The following ZNF214 variants were observed in gnomAD, a reference collection of about 807,000 sequenced individuals.
ZNF214 encodes the protein BWSCR2-associated zinc finger protein 1.
A neutral mutation model predicts 53.9 loss-of-function variants in ZNF214; 43 were observed. That is an observed-to-expected ratio of 0.80 (90% CI 0.63 to 1.03). The LOEUF is 1.03. Ranked by LOEUF, ZNF214 falls within the 50% of genes least tolerant of loss-of-function variation. The probability of loss-of-function intolerance (pLI) is 0.00; values close to 1 mark genes in which losing one functional copy is unlikely to be tolerated. For missense variants in ZNF214, 724 were observed against 719.1 expected (o/e 1.01, Z -0.08); for synonymous variants, 217 against 229.5 (o/e 0.95, Z 0.49).
At chr11:7,013,332 G>A (rs748300470) in intron 1 of ZNF214, among the ~76,000 whole-genome samples, 1 of 152,198 alleles carries the variant, frequency 6.6e-6, no homozygotes, top group Non-Finnish European at 1.5e-5. Flanking sequence ...AGCATAAATT[G>A]TAAGTGTTGG....
At chr11:7,011,810 C>T (rs1392099584) in intron 1 of ZNF214, among the ~76,000 whole-genome samples, 1 of 151,892 alleles carries the variant, frequency 6.6e-6, no homozygotes, top group South Asian at 2.1e-4. Context: ...CTATCAGATA[C>T]AATAAATAGT....
chr11:7,000,739 A>G lies in ZNF214; in HGVS notation c.944T>C (p.Ile315Thr). 1 of 1,610,722 alleles carries G rather than the reference A, an allele frequency of 6.2e-7. No homozygotes were observed. The highest frequency in any genetic ancestry group is 1.7e-5 in the Admixed American group (1 of 59,808). Residue 315 changes from isoleucine (I) to threonine (T), a missense_variant, in exon 3 of 3, where the codon ATC becomes ACC. Ile to Thr is a moderately conservative substitution (Grantham distance 89). Transcript: ENST00000278314. ...TCTTTGATGATTGTGAAGACTAGAG[A>G]TCTGGCTGAAGCTCTTACCACATGC... The part of the protein sequence containing the change: ...CNACGKSFSQ[I>T]SSLHNHQRVH...
At chr11:7,012,494 T>A (rs565416414) in intron 1 of ZNF214, among the ~76,000 whole-genome samples, 1 of 152,004 alleles carries the variant, frequency 6.6e-6, no homozygotes, top group South Asian at 2.1e-4. Context: ...GTTAAATGAA[T>A]CCAAGAGCCA....
chr11:7,000,346 TCATCA>T lies in ZNF214; in HGVS notation c.1332_1336del (p.Cys444Ter). 6.2e-7 allele frequency: 1 copy of T among 1,613,410 alleles called. No individual in the cohort carries two copies. The highest frequency in any genetic ancestry group is 8.5e-7 in the Non-Finnish European group (1 of 1,179,596). On this transcript the variant is annotated stop_gained and frameshift_variant, in exon 3 of 3. Coordinates refer to ENST00000278314, the MANE Select transcript of ZNF214 (RefSeq NM_013249.4). LOFTEE classifies it high-confidence loss of function. ...GCTGTGACTAAAGTCCTTTCCACAG[TCATCA>T]CATTTATAAGGTTTCTCTCCTGTAT...
chr11:7,001,326 A>T lies in ZNF214; in HGVS notation c.357T>A (p.Tyr119Ter). 3.7e-6 allele frequency: 6 copies of T among 1,613,244 alleles called. No homozygotes were observed. Among genetic ancestry groups the T allele is most frequent in the Non-Finnish European group, 5.1e-6 (6 of 1,179,430 alleles). The change falls in exon 3 of 3, where the codon TAT becomes TAA. Residue 119 changes from tyrosine to a stop codon, truncating the protein, a stop_gained. Transcript: ENST00000278314. LOFTEE classifies it high-confidence loss of function. ...LSTQVPGYGN[Y>*]ELTFESKSLR... ...GACTTTTGCTTTCAAAAGTCAGTTC[A>T]TAGTTCCCATACCCTGGTACTTGTG...
intron 1 of ZNF214, among the ~76,000 whole-genome samples, chr11:7,008,487 A>G (rs1168142216): frequency 1.3e-5 from 2 of 150,992 alleles, no homozygotes; most frequent in Admixed American, 6.6e-5. Context: ...ATCATACTGA[A>G]TAGGTGAAGG....
chr11:7,018,352 T>A (rs984736560), intron 1 of ZNF214, among the ~76,000 whole-genome samples: 1 of 152,196 alleles, frequency 6.6e-6, no homozygotes, highest in African/African-American at 2.4e-5. Flanking sequence ...CTTTCCTATT[T>A]AGAATATCTT....
At position 6,997,739 on chromosome 11, in the gene ZNF214, A is replaced by C. The variant is rs1851220804; in HGVS notation, c.*2123T>G. ...AAACAGAAATGACCAGTTAAATTTG[A>C]ATTTCAAATGTATGAAATTTTAGTG... On this transcript the variant is annotated 3_prime_UTR_variant, in exon 3 of 3. Coordinates refer to ENST00000278314, the MANE Select transcript of ZNF214 (RefSeq NM_013249.4). 6.6e-6 allele frequency among the ~76,000 whole-genome samples: 1 copy of C among 151,842 alleles called. No individual in the cohort carries two copies. Among genetic ancestry groups the C allele is most frequent in the Non-Finnish European group, 1.5e-5 (1 of 67,862 alleles).
At chr11:7,006,737 G>A (rs982103155) in intron 1 of ZNF214, among the ~76,000 whole-genome samples, 2 of 151,726 alleles carry the variant, frequency 1.3e-5, no homozygotes, top group Admixed American at 6.6e-5. Flanking sequence ...TTCCTTTCCT[G>A]TCTCTTAGAT....
At chr11:7,010,039 T>A (rs1851568549) in intron 1 of ZNF214, among the ~76,000 whole-genome samples, 1 of 151,918 alleles carries the variant, frequency 6.6e-6, no homozygotes, top group South Asian at 2.1e-4. Flanking sequence ...TAAAACAGAA[T>A]TACCATACCC....
intron 1 of ZNF214, 91 bp downstream of exon 1, chr11:7,019,982 A>G (rs1851878425): frequency 1.3e-5 from 2 of 152,220 alleles, no homozygotes; most frequent in Admixed American, 6.5e-5. Flanking sequence ...TCCGTTGCTT[A>G]TCCAGATCCC....
At chr11:7,008,680 A>G (rs1851533412) in intron 1 of ZNF214, among the ~76,000 whole-genome samples, 1 of 152,160 alleles carries the variant, frequency 6.6e-6, no homozygotes, top group South Asian at 2.1e-4. Context: ...CCATACCTAG[A>G]AAATCCCAGA....
intron 1 of ZNF214, among the ~76,000 whole-genome samples, chr11:7,012,932 C>T (rs1426684699): frequency 6.6e-6 from 1 of 152,064 alleles, no homozygotes; most frequent in African/African-American, 2.4e-5. Flanking sequence ...CTTAGCTAGG[C>T]AGCTCTGGTT....
chr11:7,004,365 TTTC>T (rs765203432), intron 1 of ZNF214, among the ~76,000 whole-genome samples: 6 of 142,556 alleles, frequency 4.2e-5, no homozygotes, highest in Non-Finnish European at 7.7e-5. Context: ...ATTCTGCAAT[TTTC>T]TTTTTTTCAT....
At chr11:7,009,305 T>C (rs928079264) in intron 1 of ZNF214, among the ~76,000 whole-genome samples, 5 of 151,786 alleles carry the variant, frequency 3.3e-5, no homozygotes, top group African/African-American at 4.8e-5. Context: ...TTCAACAAAG[T>C]TGACAAAAAC....
At position 7,001,392 on chromosome 11, in the gene ZNF214, C is replaced by T. The variant is rs757747472; in HGVS notation, c.291G>A (p.Gln97=). The change falls in exon 3 of 3, where the codon CAG becomes CAA. Residue 97 remains glutamine, a synonymous_variant. Coordinates refer to ENST00000278314, the MANE Select transcript of ZNF214 (RefSeq NM_013249.4). ...VQGTDSKDLT[Q]QDRSQCQEWL... is the part of the protein sequence containing the mutation. The stretch of plus-strand genomic sequence containing the variant: ...ATTCCTGACACTGGGAACGATCTTG[C>T]TGTGTGAGGTCTTTGGAATCTGTCC... The T allele has an allele frequency of 1.2e-5, 20 of 1,613,104 alleles. No individual in the cohort carries two copies. The highest frequency in any genetic ancestry group is 1.7e-5 in the Admixed American group (1 of 59,934).
chr11:7,002,891 A>G, intron 1 of ZNF214, 36 bp from the exon 2 acceptor site: 1 of 1,528,698 alleles, frequency 6.5e-7, no homozygotes, highest in Non-Finnish European at 8.7e-7. Flanking sequence ...AGATGGACAA[A>G]GATAAAGACA....
chr11:7,001,179 A>G lies in ZNF214; in HGVS notation c.504T>C (p.Arg168=). 11 of 1,613,232 alleles carry G rather than the reference A, an allele frequency of 6.8e-6. No individual in the cohort carries two copies. Among genetic ancestry groups the G allele is most frequent in the Non-Finnish European group, 9.3e-6 (11 of 1,179,508 alleles). Residue 168 remains arginine (R), a synonymous_variant, in exon 3 of 3, where the codon CGT becomes CGC. Transcript: ENST00000278314. ...AGAGGTTTTTCCTGGATATGCCAAGACGGTATCTGCCCCCTTGAAAACCAT... is the reference window on the plus strand; with the variant it reads ...AGAGGTTTTTCCTGGATATGCCAAGGCGGTATCTGCCCCCTTGAAAACCAT... ...GSHGFQGGRY[R]LGISRKNLSM...
At chr11:7,004,480 A>G (rs112130486) in intron 1 of ZNF214, among the ~76,000 whole-genome samples, 8 of 152,226 alleles carry the variant, frequency 5.3e-5, no homozygotes, top group African/African-American at 1.4e-4. Flanking sequence ...TTTCCATTCA[A>G]GAAGTGAAGC....
Sources: gnomAD v4.1 joint callset for allele counts (sites outside exome capture counted in the v4.1 genomes callset) on GRCh38, gnomAD v4.1.1 for gene constraint, MANE v1.5 for transcripts, NCBI Gene and HGNC (gene_info 2026-07-23, HGNC 2026-07-21) for gene names.